Variants in MYL5 observed in about 807,000 individuals in gnomAD.
The protein encoded by MYL5 is myosin light chain 5, also known as myosin regulatory light chain 5.
In MYL5, 28 loss-of-function variants were observed where a neutral mutation model predicts 20.8. That is an observed-to-expected ratio of 1.35 (90% CI 1.00 to 1.84). The LOEUF (loss-of-function observed/expected upper bound fraction) is 1.84. MYL5 is among the 40% of genes most tolerant of loss of function. The pLI is 0.00. For synonymous variants in MYL5, 118 were observed against 87.4 expected, an observed-to-expected ratio of 1.35 and a Z score of -1.95; for missense variants, 274 against 227.3, an observed-to-expected ratio of 1.21 and a Z score of -1.32.
At chr4:681,825 C>A (rs1739705312) in intron 6 of MYL5, 68 bp from the exon 9 acceptor site, 8 of 1,271,192 alleles carry the variant, frequency 6.3e-6, no homozygotes, top group Non-Finnish European at 7.0e-6. Context: ...ACACCCGGGG[C>A]CGCTGCAGGT....
At chr4:681,267 C>T (rs1415774203) in intron 6 of MYL5, 127 bp downstream of exon 8, 2 of 1,132,510 alleles carry the variant, frequency 1.8e-6, no homozygotes, top group African/African-American at 1.6e-5. Flanking sequence ...GAACAGGCCC[C>T]CGGGGGGCTC....
At chr4:681,893 G>A (rs200620933) in exon 7 of MYL5, 213 of 1,315,254 alleles carry the variant, frequency 1.6e-4, no homozygotes, top group Middle Eastern at 1.4e-3. Flanking sequence ...CCGCCCGCAG[G>A]TGGACCAGAT....
At chr4:675,356 C>T (rs1290121074), upstream of MYL5, 1 of 152,422 alleles carries the variant, frequency 6.6e-6, no homozygotes, top group Non-Finnish European at 1.5e-5. Flanking sequence ...CCCCTTTGGC[C>T]CCATGCAGTA....
chr4:680,839 G>T lies in MYL5; in HGVS notation c.371+252G>T, dbSNP rs976600528. 4 of 632,834 alleles carry T rather than the reference G, an allele frequency of 6.3e-6. No individual in the cohort carries two copies. In the African/African-American group the frequency reaches 7.4e-5, roughly 12 times the overall value. 39.2% of individuals were successfully genotyped at this position (632,834 alleles called of 1,614,324 possible). On this transcript the variant is annotated intron_variant, in intron 5 of 6. Coordinates refer to ENST00000400159, the Ensembl canonical transcript of MYL5. ...GCCCACTCCTCCATCTTCAGCTCCT[G>T]CTAGGCGCCGGGGAAAGTACCAGGC... is the stretch of plus-strand genomic sequence containing the variant.
Position 678,769 on chromosome 4 carries a change from A to G in MYL5, c.111+4A>G. ...TCAGATCCAGGAGTTCAAGGAGGTG[A>G]GACTTTCCTGCTTCACTGGGAGCCC... On this transcript the variant is annotated splice_donor_region_variant and intron_variant, in intron 2 of 6. Transcript: ENST00000400159. 6.2e-7 allele frequency: 1 copy of G among 1,609,334 alleles called. No homozygotes were observed. Among genetic ancestry groups the G allele is most frequent in the Non-Finnish European group, 8.5e-7 (1 of 1,178,066 alleles).
upstream of MYL5, chr4:675,317 A>T (rs1738755439): frequency 6.6e-6 from 1 of 152,484 alleles, no homozygotes. Context: ...GGCGGCAGCC[A>T]TGCTGCCCGT....
At chr4:681,605 G>T (rs973458841) in intron 6 of MYL5, among the ~76,000 whole-genome samples, 2 of 22,864 alleles carry the variant, frequency 8.7e-5, no homozygotes, top group Admixed American at 1.2e-3. Context: ...CCGCCGCCCC[G>T]CCCCCTCCAG....
chr4:677,314 G>T (rs1304026050), upstream of MYL5, among the ~76,000 whole-genome samples: 1 of 152,198 alleles, frequency 6.6e-6, no homozygotes, highest in African/African-American at 2.4e-5. Flanking sequence ...AACAGACCCT[G>T]GGCCAGGTCC....
chr4:678,826 C>T, intron 2 of MYL5, 61 bp downstream of exon 4: 2 of 1,607,616 alleles, frequency 1.2e-6, no homozygotes, highest in Non-Finnish European at 1.7e-6. Flanking sequence ...GGGAAGACCC[C>T]ATGTGGGCTG....
chr4:677,204 T>G (rs1738931568), upstream of MYL5, among the ~76,000 whole-genome samples: 1 of 152,138 alleles, frequency 6.6e-6, no homozygotes. Flanking sequence ...CCTGTAGGCC[T>G]CCTCCTTGAT....
At chr4:679,094 G>C in intron 3 of MYL5, 61 bp downstream of exon 5, 2 of 1,486,386 alleles carry the variant, frequency 1.3e-6, no homozygotes, top group Non-Finnish European at 1.9e-6. Flanking sequence ...AGGTCCTCCA[G>C]CTCCAGACGC....
intron 3 of MYL5, among the ~76,000 whole-genome samples, chr4:679,707 C>A (rs1051524999): frequency 1.3e-5 from 2 of 152,230 alleles, no homozygotes; most frequent in African/African-American, 4.8e-5. Context: ...TCTCCCTCAG[C>A]ACTTAGTCCT....
At chr4:681,853 T>G in intron 6 of MYL5, 40 bp from the exon 9 acceptor site, 4 of 1,302,932 alleles carry the variant, frequency 3.1e-6, no homozygotes, top group Non-Finnish European at 3.9e-6. Context: ...TGTAATTCGC[T>G]CCCGGAGCCC....
chr4:681,105 CTGA>C (rs1266880537), exon 6 of MYL5: 7 of 1,605,444 alleles, frequency 4.4e-6, no homozygotes, highest in Non-Finnish European at 5.1e-6. Flanking sequence ...CAAGCGTCTG[CTGA>C]TGTCCCAGGC....
chr4:678,444 A>G (rs1274147775), intron 1 of MYL5: 1 of 1,426,822 alleles, frequency 7.0e-7, no homozygotes, highest in Non-Finnish European at 9.1e-7. Context: ...TCCCTCCCCC[A>G]GTCCCTGTGC....
upstream of MYL5, chr4:676,891 T>C (rs1376445391): frequency 1.0e-6 from 1 of 985,228 alleles, no homozygotes; most frequent in African/African-American, 1.7e-5. Flanking sequence ...CAGGAGTCAG[T>C]GCTTCATAGA....
chr4:681,857 G>GGAGCCCGCAAGGAGCCCTTTC, intron 6 of MYL5, 36 bp from the exon 9 acceptor site: 1 of 1,305,358 alleles, frequency 7.7e-7, no homozygotes, highest in African/African-American at 1.5e-5. Context: ...ATTCGCTCCC[G>GGAGCCCGCAAGGAGCCCTTTC]GAGCCCGCAA....
In MYL5 at chr4:678,045, T is replaced by C. The variant is rs1739022664; in HGVS notation, c.3+16T>C. 6.2e-7 allele frequency: 1 copy of C among 1,613,156 alleles called. No homozygotes were observed. Among genetic ancestry groups the C allele is most frequent in the Non-Finnish European group, 8.5e-7 (1 of 1,179,878 alleles). On this transcript the variant is annotated intron_variant, in intron 1 of 6. Coordinates refer to ENST00000400159, the Ensembl canonical transcript of MYL5. ...AGCAGGCATGGTGAGCAGGCCGCCG[T>C]GCATGCCTGGGGCAGGCGTGTGGGT...
At chr4:680,060 C>G (rs376589699) in intron 4 of MYL5, 42 bp downstream of exon 6, 1 of 1,477,476 alleles carries the variant, frequency 6.8e-7, no homozygotes, top group Non-Finnish European at 9.3e-7. Context: ...TAGCTAATTC[C>G]TAACAGTTAG....
Sources: allele counts gnomAD v4.1 joint callset (sites outside exome capture counted in the v4.1 genomes callset), GRCh38; gene constraint gnomAD v4.1.1; transcripts MANE v1.5; gene names NCBI Gene and HGNC (gene_info 2026-07-23, HGNC 2026-07-21).